The following TRIQK variants were observed in gnomAD, a reference collection of about 807,000 sequenced individuals.
TRIQK encodes the protein triple QxxK/R motif-containing protein.
Under a neutral mutation model 10.8 loss-of-function variants are expected in TRIQK, and 10 were observed. The ratio of observed to expected loss-of-function variants is 0.92; its 90% confidence interval spans 0.57 to 1.57. The LOEUF is 1.57. Ranked by LOEUF, TRIQK falls within the 40% of genes most tolerant of loss-of-function variation. The pLI, the probability that TRIQK is intolerant of heterozygous loss-of-function variation, is 0.00. For synonymous variants in TRIQK, 33 were observed against 33.7 expected (o/e 0.98, Z 0.07); for missense variants, 107 against 97.7 (o/e 1.09, Z -0.40).
intron 3 of TRIQK, among the ~76,000 whole-genome samples, chr8:92,908,151 A>G (rs1304852616): frequency 1.3e-5 from 2 of 152,136 alleles, no homozygotes; most frequent in Non-Finnish European, 2.9e-5. Context: ...CAGAAACAAG[A>G]CTACATCTTT....
At chr8:92,915,774 C>T (rs536753419) in intron 3 of TRIQK, among the ~76,000 whole-genome samples, 4 of 81,370 alleles carry the variant, frequency 4.9e-5, no homozygotes, top group Admixed American at 1.8e-4. Context: ...GCTGGGATTA[C>T]TGGCGTTAAG....
Position 92,884,519 on chromosome 8 carries a change from A to G in TRIQK, c.*2103T>C, listed in dbSNP as rs1359760113. 2 of 275,950 alleles carry G rather than the reference A, an allele frequency of 7.2e-6. No individual in the cohort carries two copies. Among genetic ancestry groups the G allele is most frequent in the East Asian group, 1.8e-4 (2 of 10,814 alleles). The allele number at this position is 275,950 out of a possible 1,614,324, so 17.1% of individuals were successfully genotyped here. ...GGATATCAATAAAACTAGGCAGTGA[A>G]ATTTGCCTATAATTATACTATATTT... On this transcript the variant is annotated 3_prime_UTR_variant, in exon 5 of 5. Transcript: ENST00000521988.
At chr8:92,916,472 CT>C (rs896285856) in intron 3 of TRIQK, among the ~76,000 whole-genome samples, 3 of 151,932 alleles carry the variant, frequency 2.0e-5, no homozygotes, top group Non-Finnish European at 2.9e-5. Flanking sequence ...AATTCTCTTT[CT>C]TTTTTTCTGA....
chr8:92,918,687 T>C (rs1434261756), intron 2 of TRIQK, among the ~76,000 whole-genome samples: 1 of 152,048 alleles, frequency 6.6e-6, no homozygotes, highest in Non-Finnish European at 1.5e-5. Context: ...ACTTTGTTGA[T>C]TGTTTTCTTT....
At chr8:92,986,771 A>G (rs1459606042) in intron 1 of TRIQK, among the ~76,000 whole-genome samples, 1 of 152,188 alleles carries the variant, frequency 6.6e-6, no homozygotes, top group Non-Finnish European at 1.5e-5. Context: ...GATGTTCTGC[A>G]ATGATTCATT....
chr8:92,893,664 A>G (rs1563612045), intron 3 of TRIQK, among the ~76,000 whole-genome samples: 1 of 152,040 alleles, frequency 6.6e-6, no homozygotes, highest in Non-Finnish European at 1.5e-5. Flanking sequence ...TCATGTCATT[A>G]TTCCTGCTGA....
At chr8:93,011,205 C>CACATATATATAT (rs769949767) in intron 1 of TRIQK, among the ~76,000 whole-genome samples, 1 of 121,520 alleles carries the variant, frequency 8.2e-6, no homozygotes, top group East Asian at 2.8e-4. Context: ...CACACACACA[C>CACATATATATAT]ATATATATAT....
intron 2 of TRIQK, among the ~76,000 whole-genome samples, chr8:92,918,337 CCA>C: frequency 6.6e-6 from 1 of 151,922 alleles, no homozygotes; most frequent in African/African-American, 2.4e-5. Context: ...ACATTTTCAC[CCA>C]CAGTGTATGA....
intron 1 of TRIQK, among the ~76,000 whole-genome samples, chr8:92,959,390 C>T (rs1471516693): frequency 1.3e-5 from 2 of 151,580 alleles, no homozygotes; most frequent in Non-Finnish European, 2.9e-5. Context: ...TCTTCTCATG[C>T]AAACAATGTT....
intron 1 of TRIQK, among the ~76,000 whole-genome samples, chr8:92,999,882 T>G (rs1432036405): frequency 6.6e-6 from 1 of 152,160 alleles, no homozygotes; most frequent in Admixed American, 6.5e-5. Context: ...TATGTAAATT[T>G]GAAGTGAGTT....
intron 3 of TRIQK, among the ~76,000 whole-genome samples, chr8:92,906,378 A>T (rs1051213627): frequency 6.6e-6 from 1 of 152,154 alleles, no homozygotes; most frequent in Non-Finnish European, 1.5e-5. Flanking sequence ...GGGAAGAGGT[A>T]AGGAAATTCC....
At chr8:92,902,538 C>T (rs1218171266) in intron 3 of TRIQK, among the ~76,000 whole-genome samples, 2 of 152,102 alleles carry the variant, frequency 1.3e-5, no homozygotes, top group African/African-American at 4.8e-5. Context: ...ATGTTAAAGC[C>T]AGGTACCGGT....
At chr8:92,952,385 A>G (rs1019295938) in intron 2 of TRIQK, among the ~76,000 whole-genome samples, 2 of 151,756 alleles carry the variant, frequency 1.3e-5, no homozygotes, top group Non-Finnish European at 2.9e-5. Flanking sequence ...AGGTAAATCA[A>G]TAGAAACCTC....
At chr8:92,990,482 G>T (rs1813085109) in intron 1 of TRIQK, among the ~76,000 whole-genome samples, 1 of 151,622 alleles carries the variant, frequency 6.6e-6, no homozygotes, top group East Asian at 2.0e-4. Flanking sequence ...AATAGGAAGA[G>T]CTCCGGTCTG....
chr8:92,930,232 T>C (rs977358889), intron 2 of TRIQK, among the ~76,000 whole-genome samples: 1 of 149,754 alleles, frequency 6.7e-6, no homozygotes. Flanking sequence ...CTACTAAATA[T>C]ACAAAAAATT....
upstream of TRIQK, among the ~76,000 whole-genome samples, chr8:92,966,980 C>CAAAAAAAAAAAAAAAAAAAAAAAAAA (rs10655820): frequency 4.4e-5 from 3 of 68,840 alleles, no homozygotes; most frequent in African/African-American, 1.2e-4. Context: ...AAGTAGCATA[C>CAAAAAAAAAAAAAAAAAAAAAAAAAA]AAAAAAAAAA....
At chr8:92,888,329 A>G (rs549860926) in intron 4 of TRIQK, among the ~76,000 whole-genome samples, 2 of 151,752 alleles carry the variant, frequency 1.3e-5, no homozygotes, top group Admixed American at 6.6e-5. Context: ...ACAACTCTGT[A>G]TCATTTCACT....
intron 3 of TRIQK, among the ~76,000 whole-genome samples, chr8:92,914,376 A>T (rs1302196758): frequency 6.6e-6 from 1 of 152,208 alleles, no homozygotes; most frequent in Non-Finnish European, 1.5e-5. Flanking sequence ...GCAAAAACAA[A>T]CAAAGGAGAC....
intron 3 of TRIQK, among the ~76,000 whole-genome samples, chr8:92,906,290 T>C (rs971114159): frequency 1.3e-5 from 2 of 152,154 alleles, no homozygotes; most frequent in African/African-American, 4.8e-5. Context: ...ATCATAGTGT[T>C]GGCTGAGGTA....
Sources: allele counts gnomAD v4.1 joint callset (sites outside exome capture counted in the v4.1 genomes callset), GRCh38; gene constraint gnomAD v4.1.1; transcripts MANE v1.5; gene names NCBI Gene and HGNC (gene_info 2026-07-23, HGNC 2026-07-21).